PRKCA: variants seen among roughly 807,000 people sequenced by gnomAD.
PRKCA encodes the protein protein kinase C alpha type.
PRKCA carries 27 observed loss-of-function variants against 87.0 expected under a neutral mutation model. The ratio of observed to expected loss-of-function variants is 0.31; its 90% CI spans 0.23 to 0.43. The LOEUF (loss-of-function observed/expected upper bound fraction) is 0.43. Among genes scored for constraint, PRKCA ranks in the 20% least tolerant of loss-of-function variants. PRKCA has a pLI of 1.00. For missense variants in PRKCA, 518 were observed against 852.3 expected (o/e 0.61, Z 4.88); for synonymous variants, 329 against 311.1 (o/e 1.06, Z -0.61).
intron 3 of PRKCA, among the ~76,000 whole-genome samples, chr17:66,546,778 C>T (rs1268639986): frequency 1.3e-5 from 2 of 152,108 alleles, no homozygotes; most frequent in African/African-American, 4.8e-5. Flanking sequence ...CAATACGACC[C>T]GCAGCATTAG....
In PRKCA at chr17:66,302,969, A is replaced by G; in HGVS notation, c.118A>G (p.Ile40Val). 2.5e-6 allele frequency: 4 copies of G among 1,612,508 alleles called. No individual in the cohort carries two copies. The highest frequency in any genetic ancestry group is 3.4e-6 in the Non-Finnish European group (4 of 1,179,246). The change falls in exon 1 of 17, where the codon ATC becomes GTC. Residue 40 changes from isoleucine to valine, a missense_variant. Transcript: ENST00000413366. ...NVHEVKDHKF[I>V]ARFFKQPTFC... ...GCACGAGGTGAAGGACCACAAATTC[A>G]TCGCGCGCTTCTTCAAGCAGCCCAC...
intron 8 of PRKCA, among the ~76,000 whole-genome samples, chr17:66,719,349 T>A (rs913417389): frequency 1.3e-5 from 2 of 152,236 alleles, no homozygotes; most frequent in Non-Finnish European, 2.9e-5. Flanking sequence ...TGATTCTATC[T>A]GTATCACATA....
At position 66,344,068 on chromosome 17, in the gene PRKCA, A is replaced by G. The variant is rs529199402; in HGVS notation, c.205+37941A>G. ...TTCCAGGGGGGCCTTGGCTCAAGAA[A>G]AATTAAGAACCACTGACTAAGTATG... On this transcript the variant is annotated intron_variant, in intron 2 of 16. Transcript: ENST00000413366. Among the ~76,000 whole-genome samples the G allele has an allele frequency of 2.0e-5, 3 of 152,268 alleles. No individual in the cohort carries two copies. The South Asian group carries it at 6.2e-4, about 32-fold the overall frequency.
At chr17:66,575,149 G>A (rs1254062082) in intron 3 of PRKCA, among the ~76,000 whole-genome samples, 2 of 152,162 alleles carry the variant, frequency 1.3e-5, no homozygotes, top group African/African-American at 2.4e-5. Flanking sequence ...ATAACCGATG[G>A]CTACGAAGAG....
At chr17:66,473,768 C>T (rs1915426562) in intron 2 of PRKCA, among the ~76,000 whole-genome samples, 2 of 152,074 alleles carry the variant, frequency 1.3e-5, no homozygotes, top group Admixed American at 6.6e-5. Context: ...AACCCCGTCT[C>T]TACTAAAAAT....
chr17:66,808,043 T>C lies in PRKCA; in HGVS notation c.*4006T>C, dbSNP rs1976072945. 1 of 152,096 alleles carries C rather than the reference T, an allele frequency of 6.6e-6. No homozygotes were observed. Among genetic ancestry groups the C allele is most frequent in the African/African-American group, 2.4e-5 (1 of 41,366 alleles). The allele number at this position is 152,096 out of a possible 1,614,324, so 9.4% of individuals were successfully genotyped here. On this transcript the variant is annotated 3_prime_UTR_variant, in exon 17 of 17. Coordinates refer to ENST00000413366, the MANE Select transcript of PRKCA (RefSeq NM_002737.3). Reference sequence around the variant, plus strand: ...TCCTCAGAAAACACCCCCCAAATGCTAACAACATCCCCACCAGCTGCTAGA... The same window carrying C: ...TCCTCAGAAAACACCCCCCAAATGCCAACAACATCCCCACCAGCTGCTAGA...
At chr17:66,449,011 G>A (rs1914177638) in intron 2 of PRKCA, among the ~76,000 whole-genome samples, 1 of 150,776 alleles carries the variant, frequency 6.6e-6, no homozygotes, top group Non-Finnish European at 1.5e-5. Context: ...GTGGCCAGGT[G>A]AGGTGGCTCA....
chr17:66,370,127 C>T (rs190467812), intron 2 of PRKCA, among the ~76,000 whole-genome samples: 2 of 152,086 alleles, frequency 1.3e-5, no homozygotes, highest in African/African-American at 4.8e-5. Flanking sequence ...TTGATGGAAG[C>T]CTTCCTGACG....
chr17:66,643,428 CAGAGGG>C (rs1971363336), intron 4 of PRKCA, among the ~76,000 whole-genome samples: 2 of 152,180 alleles, frequency 1.3e-5, no homozygotes, highest in East Asian at 3.8e-4. Flanking sequence ...GTGTTTGTAT[CAGAGGG>C]CTTTATTGGT....
chr17:66,739,787 G>A (rs1974117481), intron 11 of PRKCA, among the ~76,000 whole-genome samples: 1 of 152,088 alleles, frequency 6.6e-6, no homozygotes, highest in South Asian at 2.1e-4. Context: ...GAACGTGGTA[G>A]GTGGGGCTCT....
At chr17:66,500,887 G>A (rs1473007142) in intron 3 of PRKCA, among the ~76,000 whole-genome samples, 1 of 152,094 alleles carries the variant, frequency 6.6e-6, no homozygotes, top group Non-Finnish European at 1.5e-5. Flanking sequence ...AGAATGGGAA[G>A]TATCAGAATT....
intron 5 of PRKCA, among the ~76,000 whole-genome samples, chr17:66,668,885 T>G (rs779322932): frequency 6.6e-6 from 1 of 152,132 alleles, no homozygotes; most frequent in Non-Finnish European, 1.5e-5. Context: ...AAAGGATCAC[T>G]TGAGGCCAGA....
At chr17:66,370,332 A>C (rs1909022332) in intron 2 of PRKCA, among the ~76,000 whole-genome samples, 1 of 146,508 alleles carries the variant, frequency 6.8e-6, no homozygotes, top group Admixed American at 7.1e-5. Flanking sequence ...CCCGGGTTCA[A>C]GCAATTTTCC....
chr17:66,742,473 C>T (rs1032654849), intron 12 of PRKCA, 149 bp from the exon 13 acceptor site: 7 of 820,750 alleles, frequency 8.5e-6, no homozygotes, highest in Admixed American at 2.3e-5. Context: ...TATCAACACA[C>T]ATTGACTTCT....
chr17:66,443,070 C>T (rs1051625283), intron 2 of PRKCA, among the ~76,000 whole-genome samples: 23 of 152,178 alleles, frequency 1.5e-4, no homozygotes, highest in African/African-American at 4.3e-4. Flanking sequence ...CTTGGACTCC[C>T]GTTGGTTAGT....
intron 3 of PRKCA, among the ~76,000 whole-genome samples, chr17:66,563,992 T>C (rs1968800818): frequency 1.4e-5 from 2 of 140,098 alleles, no homozygotes; most frequent in Admixed American, 7.5e-5. Context: ...CCTTCCTTCC[T>C]TCCTTCCTTC....
intron 2 of PRKCA, among the ~76,000 whole-genome samples, chr17:66,466,781 G>A (rs1915104304): frequency 6.6e-6 from 1 of 151,904 alleles, no homozygotes; most frequent in Non-Finnish European, 1.5e-5. Context: ...GCTAAGATTA[G>A]CAGTAAAAGC....
intron 3 of PRKCA, among the ~76,000 whole-genome samples, chr17:66,527,502 A>G (rs577479556): frequency 6.6e-6 from 1 of 152,270 alleles, no homozygotes; most frequent in East Asian, 1.9e-4. Context: ...TAGGGTGATT[A>G]TTTCTGTTCT....
chr17:66,706,723 C>G (rs1434168904), intron 8 of PRKCA, among the ~76,000 whole-genome samples: 1 of 151,874 alleles, frequency 6.6e-6, no homozygotes, highest in Non-Finnish European at 1.5e-5. Flanking sequence ...TTGGTGAAAT[C>G]CAAAATCTGG....
Sources: allele counts gnomAD v4.1 joint callset (sites outside exome capture counted in the v4.1 genomes callset), GRCh38; gene constraint gnomAD v4.1.1; transcripts MANE v1.5; gene names NCBI Gene and HGNC (gene_info 2026-07-23, HGNC 2026-07-21).